SLC4A10: variants seen among roughly 807,000 people sequenced by gnomAD.
SLC4A10 encodes the protein sodium-driven chloride bicarbonate exchanger.
A neutral mutation model predicts 137.7 loss-of-function variants in SLC4A10; 42 were observed. The ratio of observed to expected loss-of-function variants is 0.30; its 90% CI spans 0.24 to 0.39. The LOEUF is 0.39. Ranked by LOEUF, SLC4A10 falls within the 10% of genes least tolerant of loss-of-function variation. SLC4A10 has a pLI of 1.00. For synonymous variants in SLC4A10, 474 were observed against 464.1 expected, an observed-to-expected ratio of 1.02 and a Z score of -0.27; for missense variants, 925 against 1,355.0, an observed-to-expected ratio of 0.68 and a Z score of 4.98.
intron 23 of SLC4A10, among the ~76,000 whole-genome samples, chr2:161,966,969 A>G (rs1270879107): frequency 6.6e-6 from 1 of 152,218 alleles, no homozygotes; most frequent in East Asian, 1.9e-4. Context: ...ACACCCAAGA[A>G]GGTTTAAATT....
intron 2 of SLC4A10, among the ~76,000 whole-genome samples, chr2:161,777,839 T>A (rs1240628758): frequency 3.3e-5 from 5 of 152,028 alleles, no homozygotes; most frequent in Non-Finnish European, 1.5e-5. Context: ...AGTTTCCTTC[T>A]AAGAGCTTTA....
chr2:161,750,811 G>T (rs1442627847), intron 1 of SLC4A10, among the ~76,000 whole-genome samples: 1 of 151,636 alleles, frequency 6.6e-6, no homozygotes, highest in Admixed American at 6.6e-5. Context: ...AAGGTGGGGT[G>T]TTGAAGTTCC....
Position 161,930,899 on chromosome 2 carries a change from A to G in SLC4A10, c.1998-11893A>G, listed in dbSNP as rs535039870. 1.6e-4 allele frequency among the ~76,000 whole-genome samples: 20 copies of G among 126,292 alleles called. No individual in the cohort carries two copies. The South Asian group carries it at 5.0e-3, about 32-fold the overall frequency. The allele number at this position is 126,292 out of a possible 152,430, so 82.9% of individuals were successfully genotyped here. On this transcript the variant is annotated intron_variant, in intron 15 of 26. Coordinates refer to ENST00000446997, the MANE Select transcript of SLC4A10 (RefSeq NM_001178015.2). ...GATCTAATCTTCATCTCATTCTGCC[A>G]CATGTTTTTGTTTTGTTTTGTTTTG...
At chr2:161,736,606 A>C (rs1037549097) in intron 1 of SLC4A10, among the ~76,000 whole-genome samples, 3 of 152,142 alleles carry the variant, frequency 2.0e-5, no homozygotes, top group African/African-American at 7.2e-5. Flanking sequence ...TAAAACCATC[A>C]GATCTTGTGA....
At chr2:161,774,535 C>A (rs1279133254) in intron 2 of SLC4A10, among the ~76,000 whole-genome samples, 1 of 151,814 alleles carries the variant, frequency 6.6e-6, no homozygotes, top group East Asian at 1.9e-4. Context: ...CTACGTTCCT[C>A]CCCAAGAATT....
chr2:161,891,667 T>C (rs926407442), intron 10 of SLC4A10, among the ~76,000 whole-genome samples: 1 of 152,016 alleles, frequency 6.6e-6, no homozygotes, highest in Admixed American at 6.6e-5. Context: ...TATTCTTCTC[T>C]AGCTGGTTAT....
intron 23 of SLC4A10, among the ~76,000 whole-genome samples, chr2:161,972,881 G>A (rs995663957): frequency 6.6e-6 from 1 of 152,130 alleles, no homozygotes; most frequent in African/African-American, 2.4e-5. Context: ...CTCCCACATT[G>A]CATTGTATCT....
intron 1 of SLC4A10, among the ~76,000 whole-genome samples, chr2:161,626,871 G>A (rs899402975): frequency 2.0e-5 from 3 of 152,180 alleles, no homozygotes; most frequent in South Asian, 2.1e-4. Context: ...AAGTTTTTAC[G>A]CTTGGAAGAG....
intron 2 of SLC4A10, among the ~76,000 whole-genome samples, chr2:161,771,338 A>G (rs1321047530): frequency 6.6e-6 from 1 of 151,850 alleles, no homozygotes; most frequent in African/African-American, 2.4e-5. Flanking sequence ...TGCTTCATGT[A>G]ATTACAATCA....
chr2:161,901,008 G>A lies in SLC4A10; in HGVS notation c.1439G>A (p.Gly480Glu). The change falls in exon 12 of 27, where the codon GGA becomes GAA. Residue 480 changes from glycine (G) to glutamate (E), a missense_variant. Gly to Glu is a moderately conservative substitution (Grantham distance 98). Coordinates refer to ENST00000446997, the MANE Select transcript of SLC4A10 (RefSeq NM_001178015.2). ...GHSGPELQRT[G>E]RIFGGLILDI... ...AGTGGACCTGAACTCCAGCGAACTG[G>A]AAGGTTAGTGAAAATCACTTCTATG... 6.4e-7 allele frequency: 1 copy of A among 1,558,052 alleles called. No individual in the cohort carries two copies. Among genetic ancestry groups the A allele is most frequent in the South Asian group, 1.2e-5 (1 of 84,358 alleles).
At chr2:161,927,223 CAT>C (rs1369906753) in intron 15 of SLC4A10, among the ~76,000 whole-genome samples, 8 of 152,214 alleles carry the variant, frequency 5.3e-5, no homozygotes, top group African/African-American at 1.9e-4. Flanking sequence ...GTTCTTTTCA[CAT>C]AGTCCCATAT....
chr2:161,723,489 G>A (rs750771803), intron 1 of SLC4A10, among the ~76,000 whole-genome samples: 13 of 152,246 alleles, frequency 8.5e-5, no homozygotes, highest in African/African-American at 1.9e-4. Context: ...TTCTGGTTTC[G>A]TTTCCACTAG....
intron 1 of SLC4A10, among the ~76,000 whole-genome samples, chr2:161,668,101 G>C (rs1209320841): frequency 6.6e-6 from 1 of 151,786 alleles, no homozygotes. Context: ...TATGTTAGTT[G>C]TCTAATAAAC....
chr2:161,675,379 C>T (rs1450128276), intron 1 of SLC4A10, among the ~76,000 whole-genome samples: 2 of 152,166 alleles, frequency 1.3e-5, no homozygotes, highest in Non-Finnish European at 2.9e-5. Context: ...GCTCAGATAG[C>T]ACAGAAACAG....
chr2:161,974,144 G>A, intron 23 of SLC4A10, 105 bp from the exon 24 acceptor site: 2 of 881,026 alleles, frequency 2.3e-6, no homozygotes, highest in Non-Finnish European at 3.4e-6. Flanking sequence ...AGAGTGGAAG[G>A]TCTTGAGGTT....
intron 23 of SLC4A10, among the ~76,000 whole-genome samples, chr2:161,972,408 C>G (rs939797943): frequency 2.0e-5 from 3 of 152,156 alleles, no homozygotes; most frequent in Non-Finnish European, 4.4e-5. Context: ...ACTAACTCAG[C>G]TGTAAGGCAA....
chr2:161,773,021 G>T (rs1367908482), intron 2 of SLC4A10, among the ~76,000 whole-genome samples: 2 of 151,850 alleles, frequency 1.3e-5, no homozygotes, highest in African/African-American at 2.4e-5. Context: ...GCATTATTGA[G>T]ATAATGACTA....
intron 1 of SLC4A10, among the ~76,000 whole-genome samples, chr2:161,673,150 C>G (rs533501850): frequency 2.6e-5 from 4 of 152,292 alleles, no homozygotes; most frequent in African/African-American, 7.2e-5. Context: ...TAATTAACAA[C>G]AGAATTCACT....
chr2:161,902,152 T>C, intron 12 of SLC4A10: 1 of 452,018 alleles, frequency 2.2e-6, no homozygotes, highest in South Asian at 1.6e-5. Context: ...GGGCTGCTCT[T>C]GCACTGTTCT....
Sources: allele counts gnomAD v4.1 joint callset (sites outside exome capture counted in the v4.1 genomes callset), GRCh38; gene constraint gnomAD v4.1.1; transcripts MANE v1.5; gene names NCBI Gene and HGNC (gene_info 2026-07-23, HGNC 2026-07-21).